SLC9A2: variants seen among roughly 807,000 people sequenced by gnomAD.
SLC9A2 encodes the protein solute carrier family 9 member A2, also known as sodium/hydrogen exchanger 2.
A neutral mutation model predicts 71.7 loss-of-function variants in SLC9A2; 42 were observed. That is an observed-to-expected ratio of 0.59 (90% CI 0.46 to 0.76). SLC9A2 has a LOEUF of 0.76. SLC9A2 is among the 30% of genes least tolerant of loss of function. The probability of loss-of-function intolerance (pLI) is 0.00; values close to 1 mark genes in which losing one functional copy is unlikely to be tolerated. For synonymous variants in SLC9A2, 396 were observed against 392.5 expected (o/e 1.01, Z -0.10); for missense variants, 829 against 1,017.4 (o/e 0.81, Z 2.52).
intron 8 of SLC9A2, 35 bp downstream of exon 8, chr2:102,701,266 T>C (rs1677868620): frequency 7.0e-7 from 1 of 1,436,900 alleles, no homozygotes; most frequent in South Asian, 1.3e-5. Flanking sequence ...GTTAGTATTG[T>C]TAAATAGGCA....
chr2:102,633,190 G>A (rs1391550048), intron 1 of SLC9A2, among the ~76,000 whole-genome samples: 1 of 152,138 alleles, frequency 6.6e-6, no homozygotes, highest in Non-Finnish European at 1.5e-5. Context: ...ATTCTGGAAG[G>A]TAGGCACCAT....
chr2:102,704,742 G>A, intron 10 of SLC9A2, 67 bp downstream of exon 10: 1 of 1,537,766 alleles, frequency 6.5e-7, no homozygotes. Flanking sequence ...TTGATCAGCT[G>A]ATGGTATCAT....
At chr2:102,620,536 C>T (rs1388342331) in intron 1 of SLC9A2, among the ~76,000 whole-genome samples, 2 of 152,154 alleles carry the variant, frequency 1.3e-5, no homozygotes, top group Non-Finnish European at 2.9e-5. Flanking sequence ...ACCCTGGATG[C>T]TACAGGAGAG....
At chr2:102,688,129 T>A (rs1159848459) in intron 5 of SLC9A2, among the ~76,000 whole-genome samples, 1 of 152,190 alleles carries the variant, frequency 6.6e-6, no homozygotes, top group East Asian at 1.9e-4. Flanking sequence ...GACATTTGAG[T>A]TCATTTTTTT....
intron 7 of SLC9A2, among the ~76,000 whole-genome samples, chr2:102,698,978 GAC>G (rs1328596946): frequency 6.6e-6 from 1 of 152,018 alleles, no homozygotes; most frequent in East Asian, 1.9e-4. Flanking sequence ...AGGCACTGGT[GAC>G]ACAGAAAAAA....
At chr2:102,658,460 A>T (rs2104520599) in intron 2 of SLC9A2, among the ~76,000 whole-genome samples, 1 of 152,136 alleles carries the variant, frequency 6.6e-6, no homozygotes, top group African/African-American at 2.4e-5. Flanking sequence ...TACTGTCAGT[A>T]TCCAATGTAT....
chr2:102,658,165 C>T (rs1452680745), intron 2 of SLC9A2, 138 bp downstream of exon 2: 2 of 616,058 alleles, frequency 3.2e-6, no homozygotes, highest in Admixed American at 5.8e-5. Context: ...GGGCCCTTCA[C>T]TTGGTTTAAT....
At chr2:102,702,885 T>G (rs769964434) in intron 9 of SLC9A2, among the ~76,000 whole-genome samples, 6 of 152,268 alleles carry the variant, frequency 3.9e-5, no homozygotes, top group Non-Finnish European at 7.3e-5. Flanking sequence ...GAGCCACTTC[T>G]TTCACTTCGT....
In SLC9A2 at chr2:102,695,075, T is replaced by A; in HGVS notation, c.1548T>A (p.Asp516Glu). Residue 516 changes from aspartate (D) to glutamate (E), a missense_variant, in exon 7 of 12, where the codon GAT becomes GAA. Transcript: ENST00000233969. The part of the protein sequence containing the change: ...LFDHVKTGIE[D>E]VCGHWGHNFW... The stretch of plus-strand genomic sequence containing the variant: ...ATCATGTGAAGACTGGAATTGAAGA[T>A]GTTTGTGGACATTGGGGTCACAACT... 6.2e-7 allele frequency: 1 copy of A among 1,614,054 alleles called. No homozygotes were observed.
At chr2:102,683,216 A>T in intron 3 of SLC9A2, 45 bp from the exon 4 acceptor site, 1 of 1,380,124 alleles carries the variant, frequency 7.2e-7, no homozygotes. Context: ...CATTCTGATT[A>T]AGATCATTGT....
At position 102,652,820 on chromosome 2, in the gene SLC9A2, A is replaced by AT. The variant is rs568656699; in HGVS notation, c.290-4738dup. On this transcript the variant is annotated intron_variant, in intron 1 of 11. Transcript: ENST00000233969. ...TGATATATTTGTCAATGACTGATACATTTTTTCCCAATAACTGATATATTT... is the reference window on the plus strand; with the variant it reads ...TGATATATTTGTCAATGACTGATACATTTTTTTCCCAATAACTGATATATTT... 2.1e-3 allele frequency among the ~76,000 whole-genome samples: 316 copies of AT among 152,166 alleles called. 1 individual carries two copies. The highest frequency in any genetic ancestry group is 5.6e-3 in the South Asian group (27 of 4,814).
At chr2:102,624,200 A>C (rs552020427) in intron 1 of SLC9A2, among the ~76,000 whole-genome samples, 68 of 152,326 alleles carry the variant, frequency 4.5e-4, no homozygotes, top group South Asian at 1.0e-3. Context: ...AGCACAGCAA[A>C]TTTAGTACAC....
At chr2:102,631,987 A>G (rs746792969) in intron 1 of SLC9A2, among the ~76,000 whole-genome samples, 7 of 128,404 alleles carry the variant, frequency 5.5e-5, no homozygotes, top group Non-Finnish European at 8.0e-5. Flanking sequence ...TTAATTAATG[A>G]AAGTGGGGAT....
intron 1 of SLC9A2, among the ~76,000 whole-genome samples, chr2:102,623,278 G>A (rs536281975): frequency 2.0e-5 from 3 of 152,260 alleles, no homozygotes; most frequent in Non-Finnish European, 4.4e-5. Context: ...GGTCTGAACA[G>A]CCAAATGGAG....
intron 2 of SLC9A2, among the ~76,000 whole-genome samples, chr2:102,663,711 G>A (rs1251211003): frequency 1.3e-5 from 2 of 152,212 alleles, no homozygotes; most frequent in Non-Finnish European, 2.9e-5. Flanking sequence ...GTGTAGCACA[G>A]CCTTTCTCCC....
intron 3 of SLC9A2, among the ~76,000 whole-genome samples, chr2:102,676,000 T>C (rs775152286): frequency 1.3e-5 from 2 of 152,210 alleles, no homozygotes; most frequent in Non-Finnish European, 2.9e-5. Flanking sequence ...CACAGGCATT[T>C]GTAGTTTTGC....
At chr2:102,652,776 CT>C (rs926607979) in intron 1 of SLC9A2, among the ~76,000 whole-genome samples, 29 of 152,090 alleles carry the variant, frequency 1.9e-4, no homozygotes, top group African/African-American at 4.3e-4. Context: ...AATTCCTTTG[CT>C]TTTTTTCCCC....
At position 102,620,013 on chromosome 2, in the gene SLC9A2, G is replaced by A; in HGVS notation, c.165G>A (p.Val55=). Residue 55 remains valine, a synonymous_variant, in exon 1 of 12, where the codon GTG becomes GTA. Transcript: ENST00000233969. ...CCAGCCCGCCTAGCCCTGCGAGCGT[G>A]GTGGCTCCCGGAACGACGCTGTTCG... ...TSSSPPSPAS[V]VAPGTTLFEE... The A allele has an allele frequency of 6.2e-7, 1 of 1,614,118 alleles. No homozygotes were observed.
intron 7 of SLC9A2, among the ~76,000 whole-genome samples, chr2:102,696,431 C>T (rs1349532405): frequency 6.6e-6 from 1 of 152,170 alleles, no homozygotes; most frequent in East Asian, 1.9e-4. Flanking sequence ...GACCAACCTA[C>T]CAATGTCTGC....
Sources: allele counts gnomAD v4.1 joint callset (sites outside exome capture counted in the v4.1 genomes callset), GRCh38; gene constraint gnomAD v4.1.1; transcripts MANE v1.5; gene names NCBI Gene and HGNC (gene_info 2026-07-23, HGNC 2026-07-21).